The following DDAH1 variants were observed in gnomAD, a reference collection of about 807,000 sequenced individuals.
The protein encoded by DDAH1 is N(G),N(G)-dimethylarginine dimethylaminohydrolase 1.
DDAH1 carries 19 observed loss-of-function variants against 28.8 expected under a neutral mutation model. The observed-to-expected ratio is 0.66, with a 90% CI of 0.46 to 0.97. The LOEUF (loss-of-function observed/expected upper bound fraction) is 0.97. Ranked by LOEUF, DDAH1 falls within the 50% of genes least tolerant of loss-of-function variation. The pLI is 0.00. For synonymous variants in DDAH1, 153 were observed against 154.4 expected, an observed-to-expected ratio of 0.99 and a Z score of 0.07; for missense variants, 326 against 375.9, an observed-to-expected ratio of 0.87 and a Z score of 1.10.
chr1:85,470,528 G>A (rs980653986), intron 2 of DDAH1, among the ~76,000 whole-genome samples: 1 of 152,228 alleles, frequency 6.6e-6, no homozygotes, highest in African/African-American at 2.4e-5. Context: ...TCAAAGAGAA[G>A]GAGGGCTCAA....
chr1:85,515,800 A>T (rs1657448204), intron 1 of DDAH1, among the ~76,000 whole-genome samples: 1 of 152,208 alleles, frequency 6.6e-6, no homozygotes, highest in African/African-American at 2.4e-5. Context: ...AACTTAAAAA[A>T]AAAACCTGGA....
chr1:85,551,596 C>A (rs542406902), intron 1 of DDAH1, among the ~76,000 whole-genome samples: 1 of 152,188 alleles, frequency 6.6e-6, no homozygotes, highest in Non-Finnish European at 1.5e-5. Context: ...CTATGAGAGA[C>A]ATTAGTGATA....
intron 2 of DDAH1, among the ~76,000 whole-genome samples, chr1:85,474,488 T>C (rs1320085463): frequency 6.6e-6 from 1 of 152,178 alleles, no homozygotes; most frequent in African/African-American, 2.4e-5. Context: ...TTTCCTGGAA[T>C]GTGTGTGGCC....
At chr1:85,436,203 A>G (rs1443101678) in intron 1 of DDAH1, among the ~76,000 whole-genome samples, 1 of 152,116 alleles carries the variant, frequency 6.6e-6, no homozygotes, top group Non-Finnish European at 1.5e-5. Flanking sequence ...TAGGCCAGGC[A>G]TGGTGGCTAA....
chr1:85,517,104 A>G (rs1657502240), intron 1 of DDAH1, among the ~76,000 whole-genome samples: 1 of 152,180 alleles, frequency 6.6e-6, no homozygotes, highest in Non-Finnish European at 1.5e-5. Flanking sequence ...AGCCCTGAGG[A>G]CTTAAATAAG....
intron 1 of DDAH1, among the ~76,000 whole-genome samples, chr1:85,406,362 T>C (rs1652403534): frequency 6.6e-6 from 1 of 152,172 alleles, no homozygotes. Context: ...TACATTACAT[T>C]TGGTTTCTTT....
intron 1 of DDAH1, among the ~76,000 whole-genome samples, chr1:85,396,074 T>C (rs1340161444): frequency 6.6e-6 from 1 of 152,174 alleles, no homozygotes; most frequent in African/African-American, 2.4e-5. Flanking sequence ...TAACTTCTTT[T>C]GAAGTATTTT....
At chr1:85,544,556 CAG>C (rs1162630686) in intron 1 of DDAH1, among the ~76,000 whole-genome samples, 4 of 152,120 alleles carry the variant, frequency 2.6e-5, no homozygotes, top group Admixed American at 1.3e-4. Context: ...TCTCTTCACT[CAG>C]ACACCCAGAA....
intron 2 of DDAH1, chr1:85,495,176 T>A (rs1656545341): frequency 6.9e-6 from 1 of 145,476 alleles, no homozygotes; most frequent in Admixed American, 7.0e-5. Context: ...TTTTTTTTTT[T>A]ACTGTCTATC....
At chr1:85,503,569 C>CTAT (rs1553142793) in intron 1 of DDAH1, among the ~76,000 whole-genome samples, 2 of 148,086 alleles carry the variant, frequency 1.4e-5, no homozygotes, top group African/African-American at 2.5e-5. Context: ...ATCTATCTAT[C>CTAT]CATCTATCTA....
chr1:85,361,920 T>A (rs901233205), intron 1 of DDAH1, among the ~76,000 whole-genome samples: 1 of 152,212 alleles, frequency 6.6e-6, no homozygotes, highest in Non-Finnish European at 1.5e-5. Flanking sequence ...ATTAAATACA[T>A]ACAAGTCACA....
At chr1:85,414,601 T>C (rs746968668) in intron 1 of DDAH1, among the ~76,000 whole-genome samples, 11 of 152,160 alleles carry the variant, frequency 7.2e-5, no homozygotes, top group Non-Finnish European at 1.2e-4. Flanking sequence ...AAATGGACAA[T>C]TGATCGATAG....
At chr1:85,540,982 AAT>A (rs1553147318) in intron 1 of DDAH1, among the ~76,000 whole-genome samples, 11 of 151,456 alleles carry the variant, frequency 7.3e-5, no homozygotes, top group South Asian at 4.2e-4. Context: ...AAAAAAAAAA[AAT>A]GTATATCTAT....
chr1:85,412,235 GAGTCTACTATGTCATGCT>G (rs1472312881), intron 1 of DDAH1, among the ~76,000 whole-genome samples: 1 of 152,190 alleles, frequency 6.6e-6, no homozygotes, highest in East Asian at 1.9e-4. Flanking sequence ...TCTTGAGTCG[GAGTCTACTATGTCATGCT>G]AGAGGCTCTA....
intron 1 of DDAH1, among the ~76,000 whole-genome samples, chr1:85,510,372 C>G (rs1216399545): frequency 6.6e-6 from 1 of 152,166 alleles, no homozygotes; most frequent in East Asian, 1.9e-4. Flanking sequence ...AAAGAAAGAA[C>G]CGGAACCAGC....
At chr1:85,469,980 A>G (rs1009743651), upstream of DDAH1, among the ~76,000 whole-genome samples, 1 of 152,128 alleles carries the variant, frequency 6.6e-6, no homozygotes, top group Non-Finnish European at 1.5e-5. Flanking sequence ...TTTCTTTTCC[A>G]TTGATAATAT....
chr1:85,467,058 A>T (rs914708572), upstream of DDAH1, among the ~76,000 whole-genome samples: 7 of 151,692 alleles, frequency 4.6e-5, no homozygotes, highest in African/African-American at 1.7e-4. Flanking sequence ...GCTAGTCTCA[A>T]ACTCCTCAAC....
intron 1 of DDAH1, among the ~76,000 whole-genome samples, chr1:85,430,468 G>C (rs1210833644): frequency 6.6e-6 from 1 of 152,166 alleles, no homozygotes; most frequent in Admixed American, 6.5e-5. Flanking sequence ...GGATAGCATT[G>C]AATCTATAAA....
At chr1:85,411,674 T>G (rs958866321) in intron 1 of DDAH1, among the ~76,000 whole-genome samples, 4 of 152,238 alleles carry the variant, frequency 2.6e-5, no homozygotes, top group African/African-American at 9.6e-5. Flanking sequence ...GAAAGAGACA[T>G]CTGCAGTTCC....
Sources: gnomAD v4.1 joint callset for allele counts (sites outside exome capture counted in the v4.1 genomes callset) on GRCh38, gnomAD v4.1.1 for gene constraint, MANE v1.5 for transcripts, NCBI Gene and HGNC (gene_info 2026-07-23, HGNC 2026-07-21) for gene names.